The following ITPR2 variants were observed in gnomAD, a reference collection of about 807,000 sequenced individuals.
The protein encoded by ITPR2 is inositol 1,4,5-trisphosphate receptor type 2, also known as inositol 1,4,5-trisphosphate-gated calcium channel ITPR2.
A neutral mutation model predicts 317.1 loss-of-function variants in ITPR2; 207 were observed. The ratio of observed to expected loss-of-function variants is 0.65; its 90% CI spans 0.58 to 0.73. ITPR2 has a LOEUF of 0.73. ITPR2 is among the 30% of genes least tolerant of loss of function. ITPR2 has a pLI of 0.00. For missense variants in ITPR2, 2,613 were observed against 3,284.0 expected (o/e 0.80, Z 4.99); for synonymous variants, 1,156 against 1,149.1 (o/e 1.01, Z -0.12).
chr12:26,595,624 T>C, intron 31 of ITPR2, 34 bp from the exon 32 acceptor site: 2 of 1,509,718 alleles, frequency 1.3e-6, no homozygotes, highest in East Asian at 2.4e-5. Context: ...GAAAGTTAGT[T>C]TTCTTTATTG....
At chr12:26,554,922 T>C (rs911209684) in intron 36 of ITPR2, among the ~76,000 whole-genome samples, 1 of 152,186 alleles carries the variant, frequency 6.6e-6, no homozygotes, top group African/African-American at 2.4e-5. Context: ...CCTATTTTTA[T>C]AGTGAATTAC....
intron 36 of ITPR2, among the ~76,000 whole-genome samples, chr12:26,552,488 T>C (rs1405619651): frequency 6.6e-6 from 1 of 152,132 alleles, no homozygotes; most frequent in Non-Finnish European, 1.5e-5. Flanking sequence ...AGCTCAATGG[T>C]GACAGTTTAA....
In ITPR2 at chr12:26,474,023, G is replaced by A. The variant is rs116364792; in HGVS notation, c.6342+1273C>T. ...CCAGATATATTATAAAACAATAGTG[G>A]TGTCTTTTGTTAGTATCTTTTAGAA... On this transcript the variant is annotated intron_variant, in intron 45 of 56. Transcript: ENST00000381340. Among the ~76,000 whole-genome samples the A allele has an allele frequency of 6.5e-3, 988 of 152,298 alleles. 18 individuals carry two copies. Among genetic ancestry groups the A allele is most frequent in the African/African-American group, 0.023 (944 of 41,546 alleles).
chr12:26,491,599 G>A (rs1211132925), intron 39 of ITPR2, among the ~76,000 whole-genome samples: 1 of 151,906 alleles, frequency 6.6e-6, no homozygotes, highest in Non-Finnish European at 1.5e-5. Context: ...TCACTGTCTA[G>A]GAAAAGATAA....
chr12:26,707,682 C>T (rs561327073), intron 9 of ITPR2, among the ~76,000 whole-genome samples: 4 of 152,230 alleles, frequency 2.6e-5, no homozygotes, highest in East Asian at 1.9e-4. Context: ...TACAGGCACC[C>T]GCCATCATGC....
intron 40 of ITPR2, 115 bp from the exon 41 acceptor site, chr12:26,486,475 C>G: frequency 1.1e-6 from 1 of 879,112 alleles, no homozygotes; most frequent in Non-Finnish European, 1.7e-6. Flanking sequence ...AATAATCTGA[C>G]AAAAGGTGCA....
intron 9 of ITPR2, among the ~76,000 whole-genome samples, chr12:26,708,911 A>C (rs769616364): frequency 1.3e-5 from 2 of 152,222 alleles, no homozygotes; most frequent in South Asian, 4.1e-4. Flanking sequence ...AAAAATTAAA[A>C]AGTTTAAGAA....
intron 21 of ITPR2, among the ~76,000 whole-genome samples, chr12:26,641,297 A>C (rs1265690494): frequency 6.6e-6 from 1 of 152,050 alleles, no homozygotes; most frequent in Non-Finnish European, 1.5e-5. Context: ...CCAAATCAAA[A>C]CTCTTTCGTA....
At chr12:26,347,495 G>A (rs1938346195) in intron 55 of ITPR2, among the ~76,000 whole-genome samples, 1 of 152,182 alleles carries the variant, frequency 6.6e-6, no homozygotes, top group Admixed American at 6.5e-5. Context: ...TTTTGCAGAT[G>A]ACAATACTGA....
chr12:26,502,016 T>A (rs1943083124), intron 37 of ITPR2, among the ~76,000 whole-genome samples: 1 of 152,224 alleles, frequency 6.6e-6, no homozygotes. Context: ...TCTGAGTTTA[T>A]CAAATATCCT....
intron 55 of ITPR2, among the ~76,000 whole-genome samples, chr12:26,343,750 G>T (rs548183163): frequency 1.3e-5 from 2 of 152,234 alleles, no homozygotes; most frequent in African/African-American, 4.8e-5. Context: ...GGAAGGATTA[G>T]AAAAGTGCAT....
At chr12:26,813,670 G>A (rs1430501291) in intron 1 of ITPR2, among the ~76,000 whole-genome samples, 2 of 152,028 alleles carry the variant, frequency 1.3e-5, no homozygotes, top group Non-Finnish European at 2.9e-5. Flanking sequence ...CTGATGTCAA[G>A]GTGAAGTTTA....
chr12:26,661,963 G>A lies in ITPR2; in HGVS notation c.1713+1722C>T, dbSNP rs77532643. Among the ~76,000 whole-genome samples the A allele has an allele frequency of 3.6e-3, 542 of 152,232 alleles. 4 individuals are homozygous for A. Among genetic ancestry groups the A allele is most frequent in the Admixed American group, 5.2e-3 (80 of 15,290 alleles). On this transcript the variant is annotated intron_variant, in intron 15 of 56. Transcript: ENST00000381340. ...ATCTTAAAGGAACCCAATGAAGTCC[G>A]GAAAAATAATTCTAGTGACAGCATT... is the stretch of plus-strand genomic sequence containing the variant.
In ITPR2 at chr12:26,345,436, G is replaced by A. The variant is rs372245498; in HGVS notation, c.7858-5108C>T. 1.7e-4 allele frequency among the ~76,000 whole-genome samples: 26 copies of A among 152,216 alleles called. No homozygotes were observed. The East Asian group carries it at 3.9e-3, about 23-fold the overall frequency. On this transcript the variant is annotated intron_variant, in intron 55 of 56. Coordinates refer to ENST00000381340, the MANE Select transcript of ITPR2 (RefSeq NM_002223.4). ...AATTTATAAATTAGGCACAGTAAGA[G>A]ATTAACAATAACTAATAACAAAATA...
At chr12:26,750,994 C>T (rs1373660503) in intron 2 of ITPR2, among the ~76,000 whole-genome samples, 1 of 152,104 alleles carries the variant, frequency 6.6e-6, no homozygotes, top group African/African-American at 2.4e-5. Flanking sequence ...GCCCAAGCAA[C>T]GAAAACGGCT....
chr12:26,486,809 C>G, intron 40 of ITPR2: 1 of 634,006 alleles, frequency 1.6e-6, no homozygotes, highest in Non-Finnish European at 2.9e-6. Flanking sequence ...GGGGCAGTTA[C>G]TATTTACCAT....
Position 26,486,207 on chromosome 12 carries a change from T to G in ITPR2, c.5708A>C (p.Glu1903Ala), listed in dbSNP as rs201087470. ...CTGPEAGNTE[E>A]KSAEEVTMSP... Reference sequence around the variant, plus strand: ...CATTGTTACTTCCTCTGCGGATTTTTCCTCAGTGTTTCCCGCTTCTGGTCC... The same window carrying G: ...CATTGTTACTTCCTCTGCGGATTTTGCCTCAGTGTTTCCCGCTTCTGGTCC... The change falls in exon 41 of 57, where the codon GAA becomes GCA. Residue 1903 changes from glutamate (E) to alanine (A), a missense_variant. By Grantham distance (107) the Glu-to-Ala change is moderately radical. Around this residue, in one of 9 missense-constraint regions of ITPR2, gnomAD observed 926 missense variants for 1,072.8 expected, o/e 0.86. Transcript: ENST00000381340. 378 of 1,614,176 alleles carry G rather than the reference T, an allele frequency of 2.3e-4. No homozygotes were observed. The highest frequency in any genetic ancestry group is 6.7e-4 in the Admixed American group (40 of 60,024).
chr12:26,784,740 T>C (rs561399511), intron 2 of ITPR2, among the ~76,000 whole-genome samples: 34 of 151,006 alleles, frequency 2.3e-4, no homozygotes, highest in Middle Eastern at 3.4e-3. Flanking sequence ...AGTGCCGAGA[T>C]TGCAGCCTCT....
chr12:26,365,002 A>G (rs948585804), intron 55 of ITPR2, among the ~76,000 whole-genome samples: 3 of 152,224 alleles, frequency 2.0e-5, no homozygotes, highest in Non-Finnish European at 2.9e-5. Context: ...ATTTTAAGCA[A>G]AGCAGTATTC....
Sources: allele counts gnomAD v4.1 joint callset (sites outside exome capture counted in the v4.1 genomes callset), GRCh38; gene constraint gnomAD v4.1.1; regional missense constraint gnomAD v4.1.1; transcripts MANE v1.5; gene names NCBI Gene and HGNC (gene_info 2026-07-23, HGNC 2026-07-21).